PTPRN2: variants seen among roughly 807,000 people sequenced by gnomAD.
PTPRN2 encodes protein tyrosine phosphatase receptor type N2.
A neutral mutation model predicts 118.8 loss-of-function variants in PTPRN2; 74 were observed. The ratio of observed to expected loss-of-function variants is 0.62; its 90% CI spans 0.52 to 0.76. The LOEUF (loss-of-function observed/expected upper bound fraction) is 0.76, where lower values mean the gene tolerates loss of function less well. Among genes scored for constraint, PTPRN2 ranks in the 30% least tolerant of loss-of-function variants. PTPRN2 has a pLI of 0.00. For missense variants in PTPRN2, 1,481 were observed against 1,394.4 expected (o/e 1.06, Z -0.99); for synonymous variants, 641 against 608.0 (o/e 1.05, Z -0.80).
chr7:158,128,677 C>T (rs1817900447), intron 9 of PTPRN2, among the ~76,000 whole-genome samples: 2 of 152,152 alleles, frequency 1.3e-5, no homozygotes, highest in Admixed American at 1.3e-4. Flanking sequence ...GGATTGTCGG[C>T]TCTGAAGGTT....
intron 3 of PTPRN2, among the ~76,000 whole-genome samples, chr7:158,245,245 T>C (rs540239435): frequency 6.7e-6 from 1 of 148,576 alleles, no homozygotes; most frequent in African/African-American, 2.5e-5. Context: ...CCGGAATCCG[T>C]GGTCATGCTG....
chr7:158,018,966 C>CAAAAAAAAAAAAAA (rs753498681), intron 11 of PTPRN2, among the ~76,000 whole-genome samples: 14 of 65,780 alleles, frequency 2.1e-4, no homozygotes, highest in Admixed American at 4.9e-4. Context: ...GTTTCAAAAA[C>CAAAAAAAAAAAAAA]AAAAAAAAAA....
intron 2 of PTPRN2, among the ~76,000 whole-genome samples, chr7:158,489,530 T>C (rs938552854): frequency 6.6e-6 from 1 of 152,202 alleles, no homozygotes; most frequent in African/African-American, 2.4e-5. Flanking sequence ...GTGCGAGCGA[T>C]GGGCGCCCAG....
At chr7:158,455,866 G>A (rs1461185858) in intron 2 of PTPRN2, among the ~76,000 whole-genome samples, 2 of 146,292 alleles carry the variant, frequency 1.4e-5, no homozygotes, top group Non-Finnish European at 3.0e-5. Context: ...ATAACAGCAC[G>A]GATGCCATCG....
In PTPRN2 at chr7:157,671,923, TAA is replaced by T. The variant is rs1796436669; in HGVS notation, c.2001+10800_2001+10801del. ...CCCTAAGGTCTGTACGGGGAGTTTC[TAA>T]AAGTCTACGCTGTACCCCAAGAAGG... is the stretch of plus-strand genomic sequence containing the variant. On this transcript the variant is annotated intron_variant, in intron 13 of 22. Transcript: ENST00000389418. This position sits in a 1 kb window ranked among gnomAD's most constrained non-coding sequence, Gnocchi z 4.1. 6.6e-6 allele frequency among the ~76,000 whole-genome samples: 1 copy of T among 152,002 alleles called. No homozygotes were observed. Among genetic ancestry groups the T allele is most frequent in the African/African-American group, 2.4e-5 (1 of 41,362 alleles).
At chr7:157,768,656 C>T (rs1802626584) in intron 12 of PTPRN2, among the ~76,000 whole-genome samples, 1 of 152,234 alleles carries the variant, frequency 6.6e-6, no homozygotes, top group South Asian at 2.1e-4. Flanking sequence ...AACCTAAACA[C>T]ATCACCCCAC....
chr7:158,512,169 G>A (rs1431517431), intron 1 of PTPRN2, among the ~76,000 whole-genome samples: 1 of 152,326 alleles, frequency 6.6e-6, no homozygotes, highest in East Asian at 1.9e-4. Flanking sequence ...AAAAAGTGCT[G>A]ACCTACATAG....
chr7:158,541,579 G>A, intron 1 of PTPRN2: 2 of 1,352,020 alleles, frequency 1.5e-6, no homozygotes, highest in South Asian at 2.3e-5. Context: ...TCGGTTCTCA[G>A]CAGTGAATAT....
chr7:158,022,625 CTCTG>C lies in PTPRN2; in HGVS notation c.1723+58669_1723+58672del, dbSNP rs1806976005. On this transcript the variant is annotated intron_variant, in intron 11 of 22. Transcript: ENST00000389418. This position sits in a 1 kb window ranked among gnomAD's most constrained non-coding sequence, Gnocchi z 4.6. ...TAGCCAAGGCCCCGGCACCCGGGCA[CTCTG>C]TCTGGGGCAGCCTGTAATGTGTTCA... Among the ~76,000 whole-genome samples, 4 of 139,610 alleles carry C rather than the reference CTCTG, an allele frequency of 2.9e-5. No homozygotes were observed. In the Admixed American group the frequency reaches 2.9e-4, roughly 10 times the overall value. The allele number at this position is 139,610 out of a possible 152,430, so 91.6% of individuals were successfully genotyped here.
rs182747521 is a variant in PTPRN2 at position 157,550,502 on chromosome 7, G to A, written c.2903-1483C>T. Reference sequence around the variant, plus strand: ...AGCGGCTCCACCAGGGAGGCCGGGCGCGAGATGACCACCCCACCTGCCCTG... The same window carrying A: ...AGCGGCTCCACCAGGGAGGCCGGGCACGAGATGACCACCCCACCTGCCCTG... On this transcript the variant is annotated intron_variant, in intron 21 of 22. Coordinates refer to ENST00000389418, the MANE Select transcript of PTPRN2 (RefSeq NM_002847.5). This position sits in a 1 kb window ranked among gnomAD's most constrained non-coding sequence, Gnocchi z 5.2. 8.3e-4 allele frequency among the ~76,000 whole-genome samples: 127 copies of A among 152,332 alleles called. No homozygotes were observed. The highest frequency in any genetic ancestry group is 1.9e-3 in the African/African-American group (81 of 41,570).
chr7:157,778,965 G>A (rs1008206244), intron 12 of PTPRN2, among the ~76,000 whole-genome samples: 7 of 152,242 alleles, frequency 4.6e-5, no homozygotes, highest in African/African-American at 1.7e-4. Flanking sequence ...TCAAGTCCCA[G>A]GAACTTCCTG....
intron 2 of PTPRN2, among the ~76,000 whole-genome samples, chr7:158,456,467 G>A (rs1228379794): frequency 1.1e-4 from 17 of 148,338 alleles, no homozygotes; most frequent in Admixed American, 5.4e-4. Context: ...GGACGCCATC[G>A]GCAATGGCCC....
In PTPRN2 at chr7:157,905,030, A is replaced by G. The variant is rs534547443; in HGVS notation, c.1724-6293T>C. Among the ~76,000 whole-genome samples, 5 of 152,260 alleles carry G rather than the reference A, an allele frequency of 3.3e-5. No homozygotes were observed. The South Asian group carries it at 1.0e-3, about 32-fold the overall frequency. On this transcript the variant is annotated intron_variant, in intron 11 of 22. Coordinates refer to ENST00000389418, the MANE Select transcript of PTPRN2 (RefSeq NM_002847.5). ...CGGATTTCTCTAAATGGCCGCGTGG[A>G]TTCCCTTTTCCACACTGTTGGTGGA...
chr7:157,839,334 A>G (rs753308642), intron 12 of PTPRN2, among the ~76,000 whole-genome samples: 56 of 152,102 alleles, frequency 3.7e-4, no homozygotes, highest in Non-Finnish European at 7.4e-4. Flanking sequence ...GTGTGGCTGC[A>G]TGTGAGTGTA....
chr7:158,483,706 A>T (rs1388811067), intron 2 of PTPRN2, among the ~76,000 whole-genome samples: 1 of 152,214 alleles, frequency 6.6e-6, no homozygotes, highest in Non-Finnish European at 1.5e-5. Flanking sequence ...ACCCCTTATT[A>T]AAGAAATGCA....
chr7:158,118,337 T>C (rs1021227432), intron 9 of PTPRN2, among the ~76,000 whole-genome samples: 1 of 152,196 alleles, frequency 6.6e-6, no homozygotes, highest in Non-Finnish European at 1.5e-5. Context: ...TAAGTTAGTG[T>C]TGTAATTTTC....
chr7:157,792,123 C>T (rs934209296), intron 12 of PTPRN2, among the ~76,000 whole-genome samples: 9 of 152,252 alleles, frequency 5.9e-5, no homozygotes, highest in African/African-American at 9.6e-5. Context: ...GCCCCCTCCC[C>T]GTTCATGCCG....
At chr7:158,489,130 G>A (rs939771360) in intron 2 of PTPRN2, among the ~76,000 whole-genome samples, 1 of 152,372 alleles carries the variant, frequency 6.6e-6, no homozygotes, top group South Asian at 2.1e-4. Flanking sequence ...CCTGATAAGA[G>A]AGGAAAATCA....
At chr7:158,344,714 G>A (rs914818506) in intron 2 of PTPRN2, among the ~76,000 whole-genome samples, 3 of 152,024 alleles carry the variant, frequency 2.0e-5, no homozygotes, top group African/African-American at 7.2e-5. Flanking sequence ...GCTCAGTCCT[G>A]ACAGAAATGA....
Sources: gnomAD v4.1 joint callset for allele counts (sites outside exome capture counted in the v4.1 genomes callset) on GRCh38, gnomAD v4.1.1 for gene constraint, Gnocchi (gnomAD v3.1) non-coding constraint, MANE v1.5 for transcripts, NCBI Gene and HGNC (gene_info 2026-07-23, HGNC 2026-07-21) for gene names.